The following RUVBL2 variants were observed in gnomAD, a reference collection of about 807,000 sequenced individuals.
The protein encoded by RUVBL2 is ruvB-like 2.
Under a neutral mutation model 57.9 loss-of-function variants are expected in RUVBL2, and 9 were observed. The observed-to-expected ratio is 0.16, with a 90% CI of 0.09 to 0.27. The LOEUF is 0.27. RUVBL2 is among the 10% of genes least tolerant of loss of function. RUVBL2 has a pLI of 1.00. For missense variants in RUVBL2, 456 were observed against 669.6 expected, an observed-to-expected ratio of 0.68 and a Z score of 3.52; for synonymous variants, 278 against 264.6, an observed-to-expected ratio of 1.05 and a Z score of -0.49.
intron 2 of RUVBL2, among the ~76,000 whole-genome samples, chr19:48,999,774 G>A (rs1195854931): frequency 2.0e-5 from 3 of 152,184 alleles, no homozygotes; most frequent in Non-Finnish European, 4.4e-5. Flanking sequence ...AGATGATCAA[G>A]AGATAACCAT....
intron 11 of RUVBL2, 120 bp from the exon 12 acceptor site, chr19:49,014,364 A>AAAG: frequency 5.8e-6 from 7 of 1,205,654 alleles, no homozygotes; most frequent in Non-Finnish European, 8.1e-6. Flanking sequence ...GACGCGAGCT[A>AAAG]AAGGTTAAGT....
intron 4 of RUVBL2, among the ~76,000 whole-genome samples, chr19:49,006,672 C>T (rs2039286816): frequency 6.6e-6 from 1 of 152,262 alleles, no homozygotes; most frequent in African/African-American, 2.4e-5. Context: ...GCCTTCGTCC[C>T]TGGTCCCCTT....
At chr19:49,003,752 C>G (rs1297495875) in intron 3 of RUVBL2, among the ~76,000 whole-genome samples, 1 of 151,264 alleles carries the variant, frequency 6.6e-6, no homozygotes, top group Non-Finnish European at 1.5e-5. Context: ...CCACTGCCCT[C>G]CAGCCTGGGT....
upstream of RUVBL2, chr19:48,993,505 T>C: frequency 2.3e-6 from 1 of 426,048 alleles, no homozygotes; most frequent in South Asian, 2.2e-5. Flanking sequence ...GCCGCTGCGC[T>C]TTACGGAAAC....
Position 49,010,471 on chromosome 19 carries a change from C to CCCCCCCCCCCCCAA in RUVBL2, c.664-16_664-15insCCCCCCCCCCCAAC. ...CTGCCCTGTCTCCGCCGTTCTTCCC[C>CCCCCCCCCCCCCAA]CACCCCCGCCCCATAGACCAAGTTC... On this transcript the variant is annotated splice_polypyrimidine_tract_variant and intron_variant, in intron 8 of 14. Coordinates refer to ENST00000595090, the MANE Select transcript of RUVBL2 (RefSeq NM_006666.3). The CCCCCCCCCCCCCAA allele has an allele frequency of 7.6e-7, 1 of 1,312,294 alleles. No homozygotes were observed. The highest frequency in any genetic ancestry group is 1.1e-6 in the Non-Finnish European group (1 of 945,352). The allele number at this position is 1,312,294 out of a possible 1,614,324, so 81.3% of individuals were successfully genotyped here.
intron 8 of RUVBL2, 87 bp downstream of exon 8, chr19:49,010,153 G>A: frequency 8.2e-7 from 1 of 1,215,510 alleles, no homozygotes; most frequent in Non-Finnish European, 1.2e-6. Flanking sequence ...ATGGGGTCTG[G>A]ATCTTCCTGT....
chr19:49,007,677 T>C (rs2039308755), intron 6 of RUVBL2, among the ~76,000 whole-genome samples: 1 of 152,092 alleles, frequency 6.6e-6, no homozygotes, highest in South Asian at 2.1e-4. Flanking sequence ...GTCCTGTCCA[T>C]CTTACATGAT....
At chr19:48,998,131 C>T (rs368960551) in intron 1 of RUVBL2, among the ~76,000 whole-genome samples, 60 of 152,342 alleles carry the variant, frequency 3.9e-4, no homozygotes, top group African/African-American at 1.4e-3. Flanking sequence ...GGCCTTTCAT[C>T]TGTCTGAATG....
chr19:49,006,618 G>C (rs931950109), intron 4 of RUVBL2, among the ~76,000 whole-genome samples: 50 of 152,256 alleles, frequency 3.3e-4, no homozygotes, highest in Non-Finnish European at 6.8e-4. Context: ...TGGGAGCCGA[G>C]GCAGTCTGCC....
At chr19:49,000,718 AG>A (rs775398028) in intron 2 of RUVBL2, among the ~76,000 whole-genome samples, 6 of 151,732 alleles carry the variant, frequency 4.0e-5, no homozygotes, top group Non-Finnish European at 8.8e-5. Flanking sequence ...TACAAAAATT[AG>A]CCAGGCATGG....
chr19:49,007,384 T>C lies in RUVBL2; in HGVS notation c.462+16T>C. ...AACAGGGACGGTGAGTCTGTGTGAG[T>C]CTGTACCCTGCTGAGGCCACCTCCA... On this transcript the variant is annotated intron_variant, in intron 6 of 14. Transcript: ENST00000595090. 6.2e-7 allele frequency: 1 copy of C among 1,611,918 alleles called. No homozygotes were observed. The highest frequency in any genetic ancestry group is 8.5e-7 in the Non-Finnish European group (1 of 1,178,708).
At position 49,006,994 on chromosome 19, in the gene RUVBL2, C is replaced by G. The variant is rs1168276657; in HGVS notation, c.266-24C>G. On this transcript the variant is annotated intron_variant, in intron 4 of 14. Transcript: ENST00000595090. ...GGACCTGGTGCCAGAGCGGCTTCAC[C>G]TACACAGACTGCCTCCTTCCCAGGC... The G allele has an allele frequency of 2.5e-6, 4 of 1,611,158 alleles. No homozygotes were observed. In the African/African-American group the frequency reaches 5.3e-5, roughly 22 times the overall value.
At chr19:49,012,515 G>A (rs977257977) in intron 11 of RUVBL2, among the ~76,000 whole-genome samples, 4 of 152,216 alleles carry the variant, frequency 2.6e-5, no homozygotes, top group Admixed American at 2.6e-4. Flanking sequence ...GGCACCTCCT[G>A]TGGGAGGCAG....
At position 48,993,894 on chromosome 19, in the gene RUVBL2, T is replaced by C. The variant is rs763967523; in HGVS notation, c.-18T>C. On this transcript the variant is annotated 5_prime_UTR_variant, in exon 1 of 15. Coordinates refer to ENST00000595090, the MANE Select transcript of RUVBL2 (RefSeq NM_006666.3). Reference sequence around the variant, plus strand: ...CGCGTTTCCGTTTCCGCTAGGACTCTGGCAGTTGGTGAGCATCATGGCAAC... The same window carrying C: ...CGCGTTTCCGTTTCCGCTAGGACTCCGGCAGTTGGTGAGCATCATGGCAAC... 10 of 1,613,998 alleles carry C rather than the reference T, an allele frequency of 6.2e-6. No individual in the cohort carries two copies. Among genetic ancestry groups the C allele is most frequent in the Middle Eastern group, 1.6e-4 (1 of 6,084 alleles).
chr19:49,002,057 T>G (rs1323329850), intron 2 of RUVBL2, among the ~76,000 whole-genome samples: 2 of 128,942 alleles, frequency 1.6e-5, no homozygotes, highest in Non-Finnish European at 3.5e-5. Flanking sequence ...TTTTTTGTTG[T>G]TTTTTTTTTG....
At chr19:49,008,776 A>G (rs1052424572) in intron 6 of RUVBL2, among the ~76,000 whole-genome samples, 8 of 151,644 alleles carry the variant, frequency 5.3e-5, no homozygotes, top group Admixed American at 3.3e-4. Flanking sequence ...TCAGGAGTTC[A>G]AGACCAGCCT....
chr19:48,999,304 T>C lies in RUVBL2; in HGVS notation c.13-15T>C, dbSNP rs753078286. On this transcript the variant is annotated splice_polypyrimidine_tract_variant and intron_variant, in intron 1 of 14. Transcript: ENST00000595090. ...GACCACACTAGTCCTCTGACACATC[T>C]TCTTGCACCCCCAGACAGCCACAAC... The C allele has an allele frequency of 6.2e-7, 1 of 1,614,060 alleles. No homozygotes were observed. The highest frequency in any genetic ancestry group is 1.3e-5 in the African/African-American group (1 of 74,930).
In RUVBL2 at chr19:48,997,628, CAAA is replaced by C. The variant is rs34730869; in HGVS notation, c.13-1677_13-1675del. On this transcript the variant is annotated intron_variant, in intron 1 of 14. Transcript: ENST00000595090. ...TAGGTGACAGAGTGAGACTATGTCT[CAAA>C]AAAAAAAAAAAAAGAAAAGAAAAAA... 6.4e-3 allele frequency among the ~76,000 whole-genome samples: 699 copies of C among 108,706 alleles called. 6 individuals are homozygous for C. The highest frequency in any genetic ancestry group is 0.019 in the African/African-American group (646 of 33,388). 71.3% of individuals were successfully genotyped at this position (108,706 alleles called of 152,430 possible).
intron 6 of RUVBL2, among the ~76,000 whole-genome samples, chr19:49,009,481 C>G (rs955221263): frequency 6.6e-6 from 1 of 151,356 alleles, no homozygotes; most frequent in Admixed American, 6.6e-5. Context: ...AGCAAGACTC[C>G]GTCTCAAAAA....
Sources: gnomAD v4.1 joint callset for allele counts (sites outside exome capture counted in the v4.1 genomes callset) on GRCh38, gnomAD v4.1.1 for gene constraint, MANE v1.5 for transcripts, NCBI Gene and HGNC (gene_info 2026-07-23, HGNC 2026-07-21) for gene names.